Variants in PRMT3 observed in about 807,000 individuals in gnomAD.
PRMT3 encodes the protein protein arginine N-methyltransferase 3.
PRMT3 carries 62 observed loss-of-function variants against 71.9 expected under a neutral mutation model. That is an observed-to-expected ratio of 0.86 (90% confidence interval 0.70 to 1.07). The LOEUF (loss-of-function observed/expected upper bound fraction) is 1.07. PRMT3 is among the 50% of genes least tolerant of loss of function. PRMT3 has a pLI of 0.00. For missense variants in PRMT3, 663 were observed against 643.0 expected, an observed-to-expected ratio of 1.03 and a Z score of -0.34; for synonymous variants, 213 against 220.4, an observed-to-expected ratio of 0.97 and a Z score of 0.30.
intron 3 of PRMT3, among the ~76,000 whole-genome samples, chr11:20,390,681 A>G (rs538118075): frequency 6.6e-6 from 1 of 152,366 alleles, no homozygotes; most frequent in Admixed American, 6.5e-5. Context: ...CTATACTACA[A>G]TAAAATTAAC....
chr11:20,399,036 T>C (rs1041469993), intron 7 of PRMT3, among the ~76,000 whole-genome samples: 1 of 152,244 alleles, frequency 6.6e-6, no homozygotes, highest in African/African-American at 2.4e-5. Flanking sequence ...AATAGGAAGA[T>C]GTAATTTTTA....
intron 5 of PRMT3, among the ~76,000 whole-genome samples, chr11:20,395,154 A>G (rs1244723937): frequency 6.6e-6 from 1 of 152,176 alleles, no homozygotes; most frequent in Non-Finnish European, 1.5e-5. Context: ...ATGTACTGGA[A>G]AGATACCTGC....
intron 13 of PRMT3, among the ~76,000 whole-genome samples, chr11:20,489,932 A>T (rs1270801660): frequency 1.3e-5 from 2 of 150,894 alleles, no homozygotes; most frequent in East Asian, 3.9e-4. Context: ...AAAAATTTTT[A>T]AAAATAAGAA....
rs139299354 is a variant in PRMT3 at position 20,388,125 on chromosome 11, G to A, written c.135G>A (p.Lys45=). Residue 45 remains lysine (K), a synonymous_variant, in exon 2 of 16, where the codon AAG becomes AAA. Transcript: ENST00000331079. Reference sequence around the variant, plus strand: ...ACGATGCAGATCTCCCCCACGGCAAGCAGCAGACCCCCTGCCTGTTCTGTA... The same window carrying A: ...ACGATGCAGATCTCCCCCACGGCAAACAGCAGACCCCCTGCCTGTTCTGTA... ...DEDDADLPHG[K]QQTPCLFCNR... The A allele has an allele frequency of 8.1e-6, 13 of 1,614,034 alleles. No homozygotes were observed. In the African/African-American group the frequency reaches 1.3e-4, roughly 17 times the overall value.
chr11:20,482,292 T>C lies in PRMT3; in HGVS notation c.1348-11627T>C, dbSNP rs182669079. On this transcript the variant is annotated intron_variant, in intron 13 of 15. Coordinates refer to ENST00000331079, the MANE Select transcript of PRMT3 (RefSeq NM_005788.4). ...CAAGTGAGTGATATTATAAAAGGAT[T>C]TGAACATCAAATTGTCCTAAAATAC... is the stretch of plus-strand genomic sequence containing the variant. 1.2e-4 allele frequency among the ~76,000 whole-genome samples: 18 copies of C among 146,222 alleles called. 1 individual carries two copies. The East Asian group carries it at 3.5e-3, about 28-fold the overall frequency.
intron 10 of PRMT3, among the ~76,000 whole-genome samples, chr11:20,436,326 T>G (rs903300035): frequency 6.6e-6 from 1 of 152,192 alleles, no homozygotes; most frequent in African/African-American, 2.4e-5. Context: ...AGTATTATGT[T>G]GAATAAAAGT....
At chr11:20,503,209 G>C (rs1025665861) in intron 15 of PRMT3, among the ~76,000 whole-genome samples, 2 of 151,668 alleles carry the variant, frequency 1.3e-5, no homozygotes, top group African/African-American at 4.8e-5. Context: ...GTCTGGCTTT[G>C]GTTTCATCCT....
intron 10 of PRMT3, among the ~76,000 whole-genome samples, chr11:20,438,064 C>G (rs958962046): frequency 1.3e-5 from 2 of 152,148 alleles, no homozygotes; most frequent in African/African-American, 4.8e-5. Context: ...ATCAGAATCC[C>G]ATGAACCTTT....
At chr11:20,425,957 T>C (rs2133351261) in intron 9 of PRMT3, among the ~76,000 whole-genome samples, 1 of 152,350 alleles carries the variant, frequency 6.6e-6, no homozygotes, top group South Asian at 2.1e-4. Context: ...ATAGTTACAA[T>C]GTACATTCTG....
chr11:20,479,303 G>T (rs998152849), intron 13 of PRMT3, among the ~76,000 whole-genome samples: 5 of 152,116 alleles, frequency 3.3e-5, no homozygotes, highest in African/African-American at 1.2e-4. Context: ...CATATGCTAG[G>T]AGCTGAGAGG....
chr11:20,392,661 T>C (rs144348144), intron 4 of PRMT3, among the ~76,000 whole-genome samples: 1 of 150,488 alleles, frequency 6.6e-6, no homozygotes, highest in Non-Finnish European at 1.5e-5. Flanking sequence ...GAATGTTTAA[T>C]GACATGACAA....
intron 13 of PRMT3, among the ~76,000 whole-genome samples, chr11:20,489,371 A>T (rs1272630022): frequency 6.6e-6 from 1 of 152,144 alleles, no homozygotes; most frequent in Non-Finnish European, 1.5e-5. Flanking sequence ...GACAAAGGAG[A>T]AATTTCTTCT....
chr11:20,505,921 T>G (rs1303244056), intron 15 of PRMT3, among the ~76,000 whole-genome samples: 1 of 151,858 alleles, frequency 6.6e-6, no homozygotes, highest in East Asian at 1.9e-4. Flanking sequence ...TTCTTATTCA[T>G]TATAGTATAT....
At chr11:20,419,176 C>A (rs543806556) in intron 9 of PRMT3, among the ~76,000 whole-genome samples, 2 of 152,228 alleles carry the variant, frequency 1.3e-5, no homozygotes, top group East Asian at 3.9e-4. Flanking sequence ...TGGTATTATC[C>A]ACCATTAAAA....
At chr11:20,460,882 T>C (rs61876968) in intron 11 of PRMT3, among the ~76,000 whole-genome samples, 9,359 of 152,200 alleles carry the variant, frequency 0.061, 431 homozygotes, top group Non-Finnish European at 0.091. Context: ...TCCTTTCCAT[T>C]CCCACAGCAA....
intron 13 of PRMT3, among the ~76,000 whole-genome samples, chr11:20,477,352 G>A (rs1285679918): frequency 1.3e-5 from 2 of 152,070 alleles, no homozygotes; most frequent in Non-Finnish European, 2.9e-5. Context: ...GAGGCGGGCA[G>A]ATCACCTGAG....
At chr11:20,390,809 G>A (rs1258471817) in intron 3 of PRMT3, among the ~76,000 whole-genome samples, 1 of 152,130 alleles carries the variant, frequency 6.6e-6, no homozygotes, top group East Asian at 1.9e-4. Context: ...GAAAACCTTT[G>A]GGAGGCCAAG....
chr11:20,456,303 G>A (rs960167738), intron 11 of PRMT3, among the ~76,000 whole-genome samples: 2 of 149,058 alleles, frequency 1.3e-5, no homozygotes, highest in South Asian at 2.1e-4. Context: ...AATGTCTTAA[G>A]AAATCTTTGC....
chr11:20,400,327 A>C (rs79281952), intron 7 of PRMT3, among the ~76,000 whole-genome samples: 1,582 of 152,286 alleles, frequency 0.01, 36 homozygotes, highest in African/African-American at 0.037. Flanking sequence ...TTTAAATAAA[A>C]GTAGCTTGTG....
Sources: allele counts gnomAD v4.1 joint callset (sites outside exome capture counted in the v4.1 genomes callset), GRCh38; gene constraint gnomAD v4.1.1; transcripts MANE v1.5; gene names NCBI Gene and HGNC (gene_info 2026-07-23, HGNC 2026-07-21).